Variants in MSC observed in about 807,000 individuals in gnomAD.
The protein encoded by MSC is musculin, also known as activated B-cell factor 1, homolog of mouse musculin.
In MSC, 16 loss-of-function variants were observed where a neutral mutation model predicts 14.4. The observed-to-expected ratio is 1.11, with a 90% CI of 0.75 to 1.69. The LOEUF (loss-of-function observed/expected upper bound fraction) is 1.69, where lower values mean the gene tolerates loss of function less well. Among genes scored for constraint, MSC ranks in the 40% most tolerant of loss-of-function variants. MSC has a pLI of 0.00. For synonymous variants in MSC, 165 were observed against 128.5 expected (o/e 1.28, Z -1.92); for missense variants, 320 against 288.1 (o/e 1.11, Z -0.80).
At position 71,843,844 on chromosome 8, in the gene MSC, G is replaced by A. The variant is rs1249311556; in HGVS notation, c.335C>T (p.Ala112Val). 4 of 1,613,006 alleles carry A rather than the reference G, an allele frequency of 2.5e-6. No homozygotes were observed. The highest frequency in any genetic ancestry group is 3.4e-6 in the Non-Finnish European group (4 of 1,179,746). ...AECKQSQRNA[A>V]NARERARMRV... ...CATCCGGGCACGCTCACGGGCGTTG[G>A]CCGCGTTCCGCTGCGACTGCTTGCA... The change falls in exon 1 of 2, where the codon GCC (alanine) becomes GTC (valine). Residue 112 changes from alanine (A) to valine (V), a missense_variant. Ala to Val is a moderately conservative substitution (Grantham distance 64). Transcript: ENST00000325509.
chr8:71,841,816 C>T lies in MSC; in HGVS notation c.*845G>A. 6.5e-6 allele frequency: 1 copy of T among 153,064 alleles called. No individual in the cohort carries two copies. Among genetic ancestry groups the T allele is most frequent in the Non-Finnish European group, 1.5e-5 (1 of 68,598 alleles). 9.5% of individuals were successfully genotyped at this position (153,064 alleles called of 1,614,324 possible). A position where few individuals can be genotyped will look rare whatever the true frequency, so the allele number is the denominator to read the frequency against. ...GAGTCTGGAGTCGGAGCTGGGGGTG[C>T]TGCAGGTAGGAGCAGGAGCGGGGCG... is the stretch of plus-strand genomic sequence containing the variant. On this transcript the variant is annotated 3_prime_UTR_variant, in exon 2 of 2. Coordinates refer to ENST00000325509, the MANE Select transcript of MSC (RefSeq NM_005098.4).
At position 71,842,727 on chromosome 8, in the gene MSC, C is replaced by G. The variant is rs762880129; in HGVS notation, c.555G>C (p.Ser185=). 1.9e-6 allele frequency: 3 copies of G among 1,613,872 alleles called. No individual in the cohort carries two copies. The African/African-American group carries it at 4.0e-5, about 22-fold the overall frequency. The part of the protein sequence containing the change: ...PVNLTWPFVV[S]GRPDSDTKEV... ...CTTTGGTGTCAGAGTCCGGTCTTCC[C>G]GAGACCACGAATGGCCATGTCTGTA... The change falls in exon 2 of 2, where the codon TCG becomes TCC. Residue 185 remains serine, a synonymous_variant. Coordinates refer to ENST00000325509, the MANE Select transcript of MSC (RefSeq NM_005098.4).
chr8:71,842,538 A>G lies in MSC; in HGVS notation c.*123T>C. 1 of 932,492 alleles carries G rather than the reference A, an allele frequency of 1.1e-6. No homozygotes were observed. 57.8% of individuals were successfully genotyped at this position (932,492 alleles called of 1,614,324 possible). A position where few individuals can be genotyped will look rare whatever the true frequency, so the allele number is the denominator to read the frequency against. On this transcript the variant is annotated 3_prime_UTR_variant, in exon 2 of 2. Transcript: ENST00000325509. ...CTGTCACGATCACAGTTCCAGGGAA[A>G]GGGGAAGGGTCAAGGAGAATCCAGC...
rs1234379157 is a variant in MSC at position 71,842,806 on chromosome 8, G to GCT, written c.535-61_535-60dup. ...GAAACGATTGTCTCAAACCGAAACA[G>GCT]CTCTCCTACGCGAACCCCAGATATT... On this transcript the variant is annotated intron_variant, in intron 1 of 1. Coordinates refer to ENST00000325509, the MANE Select transcript of MSC (RefSeq NM_005098.4). 6.3e-6 allele frequency: 9 copies of GCT among 1,434,412 alleles called. No individual in the cohort carries two copies. The African/African-American group carries it at 1.1e-4, about 18-fold the overall frequency. 88.9% of individuals were successfully genotyped at this position (1,434,412 alleles called of 1,614,324 possible).
chr8:71,843,921 G>A lies in MSC; in HGVS notation c.258C>T (p.Ser86=), dbSNP rs372898542. ...GGGGCTTCTTGCCACCACCGCCCGC[G>A]CTACCACCTGCGCCGCCGCCCCCAG... ...RVAGGGGAGG[S]AGGGGKKPLP... Residue 86 remains serine, a synonymous_variant, in exon 1 of 2, where the codon AGC becomes AGT. Transcript: ENST00000325509. 708 of 1,574,130 alleles carry A rather than the reference G, an allele frequency of 4.5e-4. 4 individuals carry two copies. The African/African-American group carries it at 8.5e-3, about 19-fold the overall frequency.
chr8:71,843,860 A>G lies in MSC; in HGVS notation c.319T>C (p.Ser107Pro), dbSNP rs1474620905. Residue 107 changes from serine to proline, a missense_variant, in exon 1 of 2, where the codon TCG becomes CCG. Physicochemically the swap from Ser to Pro is moderately conservative, Grantham distance 74. Transcript: ENST00000325509. The stretch of plus-strand genomic sequence containing the variant: ...CGGGCGTTGGCCGCGTTCCGCTGCG[A>G]CTGCTTGCACTCTGCGGCTGAGCCC... ...AKGSAAECKQ[S>P]QRNAANARER... 1.2e-6 allele frequency: 2 copies of G among 1,612,266 alleles called. No homozygotes were observed. Among genetic ancestry groups the G allele is most frequent in the Non-Finnish European group, 8.5e-7 (1 of 1,179,388 alleles).
intron 1 of MSC, 91 bp from the exon 2 acceptor site, chr8:71,842,838 T>A: frequency 1.8e-6 from 2 of 1,088,840 alleles, no homozygotes; most frequent in Admixed American, 1.7e-5. Context: ...TATTCCTGAC[T>A]TGGAGTAGCT....
At position 71,843,646 on chromosome 8, in the gene MSC, A is replaced by G. The variant is rs1334574224; in HGVS notation, c.533T>C (p.Leu178Pro). The change falls in exon 1 of 2, where the codon CTG becomes CCG. Residue 178 changes from leucine to proline, a missense_variant and splice_region_variant. Physicochemically the swap from Leu to Pro is moderately conservative, Grantham distance 98 (BLOSUM62 -3). Coordinates refer to ENST00000325509, the MANE Select transcript of MSC (RefSeq NM_005098.4). ...YENGYVHPVN[L>P]TWPFVVSGRP... ...AATCCTTGCGCGCCGCGCCCCTACC[A>G]GGTTCACTGGGTGCACGTAGCCGTT... 2 of 1,613,944 alleles carry G rather than the reference A, an allele frequency of 1.2e-6. No individual in the cohort carries two copies. The highest frequency in any genetic ancestry group is 1.7e-6 in the Non-Finnish European group (2 of 1,179,992).
Position 71,844,019 on chromosome 8 carries a change from C to G in MSC, c.160G>C (p.Gly54Arg), listed in dbSNP as rs760142315. The G allele has an allele frequency of 5.4e-5, 86 of 1,578,480 alleles. No homozygotes were observed. Among genetic ancestry groups the G allele is most frequent in the Non-Finnish European group, 7.0e-5 (82 of 1,164,052 alleles). Residue 54 changes from glycine (G) to arginine (R), a missense_variant, in exon 1 of 2, where the codon GGC becomes CGC. Physicochemically the swap from Gly to Arg is moderately radical, Grantham distance 125 (BLOSUM62 -2). Coordinates refer to ENST00000325509, the MANE Select transcript of MSC (RefSeq NM_005098.4). ...CCCAGAGCGCAGCGCTCCTCCTCGC[C>G]GTCGGGGTCCTCCTCCTCTGCCGAC... ...NSSAEEEDPD[G>R]EEERCALGTA... is the part of the protein sequence containing the mutation.
At chr8:71,843,198 A>C (rs1193697653) in intron 1 of MSC, 1 of 330,450 alleles carries the variant, frequency 3.0e-6, no homozygotes, top group Non-Finnish European at 5.8e-6. Context: ...GGGAAACGTT[A>C]CTATCTTCCA....
rs555571882 is a variant in MSC, at chr8:71,842,012, G to C, written c.*649C>G. ...CCCGGCAGGGAGGCCGAACGGCCCAGAGCTCTCCGGGTAAAACCCGCCTGC... is the reference window on the plus strand; with the variant it reads ...CCCGGCAGGGAGGCCGAACGGCCCACAGCTCTCCGGGTAAAACCCGCCTGC... On this transcript the variant is annotated 3_prime_UTR_variant, in exon 2 of 2. Transcript: ENST00000325509. The C allele has an allele frequency of 1.9e-5, 3 of 154,262 alleles. No homozygotes were observed. The highest frequency in any genetic ancestry group is 1.9e-4 in the Admixed American group (3 of 15,724). The allele number at this position is 154,262 out of a possible 1,614,324, so 9.6% of individuals were successfully genotyped here. A position where few individuals can be genotyped will look rare whatever the true frequency, so the allele number is the denominator to read the frequency against.
At position 71,844,188 on chromosome 8, in the gene MSC, C is replaced by T. The variant is rs1807461538; in HGVS notation, c.-10G>A. On this transcript the variant is annotated 5_prime_UTR_variant, in exon 1 of 2. Coordinates refer to ENST00000325509, the MANE Select transcript of MSC (RefSeq NM_005098.4). ...CCGAGCCCGTGGACATCCCGTTGTC[C>T]CCCTTGCCCACACGCGTCCTCTTTC... 6.3e-7 allele frequency: 1 copy of T among 1,580,858 alleles called. No homozygotes were observed. Among genetic ancestry groups the T allele is most frequent in the Non-Finnish European group, 8.6e-7 (1 of 1,161,984 alleles).
chr8:71,844,048 TTG>T lies in MSC; in HGVS notation c.129_130del (p.Asp43GlufsTer43). 6.5e-7 allele frequency: 1 copy of T among 1,548,252 alleles called. No homozygotes were observed. The highest frequency in any genetic ancestry group is 8.7e-7 in the Non-Finnish European group (1 of 1,149,994). On this transcript the variant is annotated frameshift_variant, in exon 1 of 2. Transcript: ENST00000325509. LOFTEE classifies it high-confidence loss of function. The stretch of plus-strand genomic sequence containing the variant: ...GGGGTCCTCCTCCTCTGCCGACGAG[TTG>T]TCACTGGGCGAGGCGTAGCTGCGCT...
In MSC at chr8:71,842,080, G is replaced by T. The variant is rs906648229; in HGVS notation, c.*581C>A. The T allele has an allele frequency of 6.6e-6, 1 of 152,302 alleles. No individual in the cohort carries two copies. Among genetic ancestry groups the T allele is most frequent in the African/African-American group, 2.7e-5 (1 of 36,796 alleles). 9.4% of individuals were successfully genotyped at this position (152,302 alleles called of 1,614,324 possible). On this transcript the variant is annotated 3_prime_UTR_variant, in exon 2 of 2. Coordinates refer to ENST00000325509, the MANE Select transcript of MSC (RefSeq NM_005098.4). Reference sequence around the variant, plus strand: ...GTCTCCACCTAGCCCTGCGAGCAGCGGCCTTCCTCCCGCCCGTTAGAAGGG... The same window carrying T: ...GTCTCCACCTAGCCCTGCGAGCAGCTGCCTTCCTCCCGCCCGTTAGAAGGG...
intron 1 of MSC, 33 bp from the exon 2 acceptor site, chr8:71,842,780 A>G (rs781045561): frequency 5.0e-6 from 8 of 1,598,436 alleles, no homozygotes; most frequent in South Asian, 2.2e-5. Flanking sequence ...GATATTAGAG[A>G]GAAACGATTG....
chr8:71,842,418 G>T lies in MSC; in HGVS notation c.*243C>A, dbSNP rs1316767687. ...TGGACCTGCGTCCGCGTCTCGTCAC[G>T]AAAGGAAGCTCTTTTTGGAGAGGCA... On this transcript the variant is annotated 3_prime_UTR_variant, in exon 2 of 2. Transcript: ENST00000325509. 2.0e-6 allele frequency: 1 copy of T among 504,708 alleles called. No individual in the cohort carries two copies. Among genetic ancestry groups the T allele is most frequent in the Non-Finnish European group, 3.6e-6 (1 of 274,300 alleles). The allele number at this position is 504,708 out of a possible 1,614,324, so 31.3% of individuals were successfully genotyped here.
In MSC at chr8:71,842,729, A is replaced by C; in HGVS notation, c.553T>G (p.Ser185Ala). Residue 185 changes from serine to alanine, a missense_variant, in exon 2 of 2, where the codon TCG becomes GCG. By Grantham distance (99) the Ser-to-Ala change is moderately conservative. Transcript: ENST00000325509. Reference sequence around the variant, plus strand: ...TTGGTGTCAGAGTCCGGTCTTCCCGAGACCACGAATGGCCATGTCTGTAAA... The same window carrying C: ...TTGGTGTCAGAGTCCGGTCTTCCCGCGACCACGAATGGCCATGTCTGTAAA... Reference protein sequence around the residue: ...PVNLTWPFVVSGRPDSDTKEV... With the variant: ...PVNLTWPFVVAGRPDSDTKEV... The C allele has an allele frequency of 6.2e-7, 1 of 1,614,126 alleles. No individual in the cohort carries two copies. Among genetic ancestry groups the C allele is most frequent in the Non-Finnish European group, 8.5e-7 (1 of 1,179,998 alleles).
chr8:71,841,597 AT>A lies in MSC; in HGVS notation c.*1063del, dbSNP rs1477172910. On this transcript the variant is annotated 3_prime_UTR_variant, in exon 2 of 2. Transcript: ENST00000325509. ...AGCGCGTTTTATTATTCATAAAAAAATAAATTTATTTACATATGTTATTTCC... is the reference window on the plus strand; with the variant it reads ...AGCGCGTTTTATTATTCATAAAAAAAAAATTTATTTACATATGTTATTTCC... The A allele has an allele frequency of 4.6e-5, 7 of 152,248 alleles. No individual in the cohort carries two copies. The highest frequency in any genetic ancestry group is 7.2e-5 in the African/African-American group (3 of 41,466). 9.4% of individuals were successfully genotyped at this position (152,248 alleles called of 1,614,324 possible). A position where few individuals can be genotyped will look rare whatever the true frequency, so the allele number is the denominator to read the frequency against.
At position 71,842,676 on chromosome 8, in the gene MSC, A is replaced by T. The variant is rs1261966677; in HGVS notation, c.606T>A (p.Cys202Ter). ...CCAGTCCGATTTAAGCGGTGGTTCC[A>T]CATAGTCTGTTGGCTGCGGAAACTT... ...TKEVSAANRL[C>*]GTTA is the part of the protein sequence containing the mutation. The change falls in exon 2 of 2, where the codon TGT becomes TGA. Residue 202 changes from cysteine (C) to a stop codon, truncating the protein, a stop_gained. Coordinates refer to ENST00000325509, the MANE Select transcript of MSC (RefSeq NM_005098.4). LOFTEE classifies it high-confidence loss of function. 6.2e-7 allele frequency: 1 copy of T among 1,614,002 alleles called. No individual in the cohort carries two copies. Among genetic ancestry groups the T allele is most frequent in the Non-Finnish European group, 8.5e-7 (1 of 1,180,006 alleles).
Sources: allele counts gnomAD v4.1 joint callset, GRCh38; gene constraint gnomAD v4.1.1; transcripts MANE v1.5; gene names NCBI Gene and HGNC (gene_info 2026-07-23, HGNC 2026-07-21).